Variants in CNBD1 observed in about 807,000 individuals in gnomAD.
The protein encoded by CNBD1 is cyclic nucleotide-binding domain-containing protein 1.
CNBD1 carries 71 observed loss-of-function variants against 54.4 expected under a neutral mutation model. The ratio of observed to expected loss-of-function variants is 1.30; its 90% CI spans 1.08 to 1.59. The LOEUF (loss-of-function observed/expected upper bound fraction) is 1.59, where lower values mean the gene tolerates loss of function less well. Ranked by LOEUF, CNBD1 falls within the 40% of genes most tolerant of loss-of-function variation. The pLI, the probability that CNBD1 is intolerant of heterozygous loss-of-function variation, is 0.00. For synonymous variants in CNBD1, 182 were observed against 170.7 expected (o/e 1.07, Z -0.51); for missense variants, 659 against 518.0 (o/e 1.27, Z -2.64).
At chr8:87,151,077 T>A (rs983215153) in intron 4 of CNBD1, among the ~76,000 whole-genome samples, 15 of 152,152 alleles carry the variant, frequency 9.9e-5, no homozygotes, top group Non-Finnish European at 2.1e-4. Context: ...TTCACAGATC[T>A]AAAAGGTGTT....
intron 4 of CNBD1, among the ~76,000 whole-genome samples, chr8:87,192,413 T>A (rs1009249362): frequency 2.6e-5 from 4 of 152,154 alleles, no homozygotes; most frequent in Non-Finnish European, 4.4e-5. Context: ...TAAGTGGAAA[T>A]CACTATAATA....
intron 4 of CNBD1, among the ~76,000 whole-genome samples, chr8:87,007,578 C>A (rs919651297): frequency 2.0e-5 from 3 of 151,886 alleles, no homozygotes; most frequent in Admixed American, 2.0e-4. Context: ...TCCTATGTTA[C>A]TGATGGTATT....
At position 86,866,429 on chromosome 8, in the gene CNBD1, C is replaced by A. The variant is rs1300563907; in HGVS notation, c.-67C>A. ...CTTGAAGTTCTGCTTTATGAGCCTG[C>A]AGGCAAAGAGTGATCATTTGCCTCT... On this transcript the variant is annotated 5_prime_UTR_variant, in exon 1 of 11. Transcript: ENST00000518476. 8.1e-6 allele frequency: 9 copies of A among 1,113,324 alleles called. No homozygotes were observed. Among genetic ancestry groups the A allele is most frequent in the East Asian group, 2.5e-5 (1 of 40,164 alleles). 69.0% of individuals were successfully genotyped at this position (1,113,324 alleles called of 1,614,324 possible).
At chr8:87,354,558 C>T (rs1296023392) in intron 10 of CNBD1, among the ~76,000 whole-genome samples, 1 of 151,212 alleles carries the variant, frequency 6.6e-6, no homozygotes, top group Non-Finnish European at 1.5e-5. Flanking sequence ...CCTCCCCCTT[C>T]CCCCCACCCC....
chr8:87,359,183 G>A (rs1810482686), intron 10 of CNBD1, among the ~76,000 whole-genome samples: 1 of 152,020 alleles, frequency 6.6e-6, no homozygotes, highest in African/African-American at 2.4e-5. Flanking sequence ...CAAATACTTG[G>A]CATTGTATGG....
chr8:87,340,751 A>G (rs1306739568), intron 8 of CNBD1, among the ~76,000 whole-genome samples: 1 of 151,964 alleles, frequency 6.6e-6, no homozygotes, highest in Non-Finnish European at 1.5e-5. Context: ...TCTATTCCTG[A>G]GTTGTAACAT....
rs563730183 is a variant in CNBD1 at position 87,246,741 on chromosome 8, T to C, written c.771+9629T>C. Among the ~76,000 whole-genome samples, 213 of 152,182 alleles carry C rather than the reference T, an allele frequency of 1.4e-3. 2 individuals are homozygous for C. The highest frequency in any genetic ancestry group is 5.0e-3 in the African/African-American group (206 of 41,532). ...CATGGGAGAGCAGCACTCCCCAACC[T>C]TTTTGTCACCAGAGATCAGTGTTGT... On this transcript the variant is annotated intron_variant, in intron 6 of 10. Coordinates refer to ENST00000518476, the MANE Select transcript of CNBD1 (RefSeq NM_173538.3).
chr8:87,001,454 A>G (rs1401373571), intron 4 of CNBD1, among the ~76,000 whole-genome samples: 1 of 152,088 alleles, frequency 6.6e-6, no homozygotes, highest in Non-Finnish European at 1.5e-5. Context: ...CCTTTTGACC[A>G]TGTATGTGCA....
intron 5 of CNBD1, among the ~76,000 whole-genome samples, chr8:87,228,825 C>A (rs988773000): frequency 6.6e-6 from 1 of 152,162 alleles, no homozygotes; most frequent in African/African-American, 2.4e-5. Context: ...CAATGGCGGG[C>A]GCCCCTCCTC....
chr8:87,368,492 G>C (rs112767213), intron 10 of CNBD1, among the ~76,000 whole-genome samples: 2,871 of 151,938 alleles, frequency 0.019, 92 homozygotes, highest in African/African-American at 0.063. Context: ...TAAAAAGTTA[G>C]CTGGGCATGG....
chr8:86,985,989 G>A (rs1808597656), intron 4 of CNBD1, among the ~76,000 whole-genome samples: 1 of 151,980 alleles, frequency 6.6e-6, no homozygotes, highest in Non-Finnish European at 1.5e-5. Context: ...GGAGTGCTGT[G>A]GTGCAATATC....
At chr8:87,386,497 T>C (rs1283285778), downstream of CNBD1, among the ~76,000 whole-genome samples, 1 of 152,078 alleles carries the variant, frequency 6.6e-6, no homozygotes, top group Non-Finnish European at 1.5e-5. Flanking sequence ...TTCGATCAAC[T>C]GGAAGAATGG....
intron 1 of CNBD1, among the ~76,000 whole-genome samples, chr8:86,883,115 C>A (rs1808628162): frequency 6.6e-6 from 1 of 151,938 alleles, no homozygotes; most frequent in Non-Finnish European, 1.5e-5. Flanking sequence ...TATAACAAAC[C>A]ACCATGATAC....
chr8:86,878,480 T>G (rs931314506), intron 1 of CNBD1, among the ~76,000 whole-genome samples: 1 of 152,052 alleles, frequency 6.6e-6, no homozygotes, highest in African/African-American at 2.4e-5. Flanking sequence ...TGTGTAGTTA[T>G]TTGGCCATGA....
At chr8:87,107,336 C>T (rs1303893508) in intron 4 of CNBD1, among the ~76,000 whole-genome samples, 4 of 152,246 alleles carry the variant, frequency 2.6e-5, no homozygotes, top group Non-Finnish European at 4.4e-5. Flanking sequence ...GTTCTAGTAA[C>T]GTTAACCTTT....
chr8:87,111,843 C>T (rs1811670197), intron 4 of CNBD1, among the ~76,000 whole-genome samples: 1 of 152,038 alleles, frequency 6.6e-6, no homozygotes, highest in Non-Finnish European at 1.5e-5. Context: ...GTAATTACTC[C>T]CACCTTGCTG....
intron 3 of CNBD1, among the ~76,000 whole-genome samples, chr8:86,919,506 A>T (rs1809238860): frequency 1.3e-5 from 2 of 152,054 alleles, no homozygotes; most frequent in Admixed American, 1.3e-4. Context: ...CAATCAGTTG[A>T]CTCCCTGTGA....
chr8:87,061,528 T>C (rs75495130), intron 4 of CNBD1, among the ~76,000 whole-genome samples: 5,182 of 152,326 alleles, frequency 0.034, 144 homozygotes, highest in Middle Eastern at 0.051. Flanking sequence ...TCATGTTAAA[T>C]GTGTGAATTG....
intron 4 of CNBD1, among the ~76,000 whole-genome samples, chr8:87,121,325 A>C (rs2130715882): frequency 6.6e-6 from 1 of 151,812 alleles, no homozygotes; most frequent in Non-Finnish European, 1.5e-5. Flanking sequence ...AGACTACAAA[A>C]TTGTATTAGG....
Sources: gnomAD v4.1 joint callset for allele counts (sites outside exome capture counted in the v4.1 genomes callset) on GRCh38, gnomAD v4.1.1 for gene constraint, MANE v1.5 for transcripts, NCBI Gene and HGNC (gene_info 2026-07-23, HGNC 2026-07-21) for gene names.